FRMPD4: variants seen among roughly 807,000 people sequenced by gnomAD.
The protein encoded by FRMPD4 is FERM and PDZ domain containing 4.
Under a neutral mutation model 94.1 loss-of-function variants are expected in FRMPD4, and 22 were observed. The observed-to-expected ratio is 0.23, with a 90% confidence interval of 0.17 to 0.33. The LOEUF (loss-of-function observed/expected upper bound fraction) is 0.33, where lower values mean the gene tolerates loss of function less well. Among genes scored for constraint, FRMPD4 ranks in the 10% least tolerant of loss-of-function variants. The probability of loss-of-function intolerance (pLI) is 1.00; values close to 1 mark genes in which losing one functional copy is unlikely to be tolerated. For synonymous variants in FRMPD4, 631 were observed against 548.6 expected, an observed-to-expected ratio of 1.15 and a Z score of -2.10; for missense variants, 1,111 against 1,339.9, an observed-to-expected ratio of 0.83 and a Z score of 2.67.
At chrX:12,299,931 C>G (rs1231291666) in intron 1 of FRMPD4, among the ~76,000 whole-genome samples, 2 of 112,118 alleles carry the variant, frequency 1.8e-5, no homozygotes, top group Non-Finnish European at 3.8e-5. Context: ...AGGGGATAAT[C>G]AAGATAGACC....
At chrX:12,263,800 A>T (rs2054231536) in intron 1 of FRMPD4, among the ~76,000 whole-genome samples, 1 of 110,932 alleles carries the variant, frequency 9.0e-6, no homozygotes, top group African/African-American at 3.3e-5. Flanking sequence ...AAAAAAAAAA[A>T]AATTTTTCAC....
At chrX:12,515,388 G>T (rs913601065) in intron 2 of FRMPD4, among the ~76,000 whole-genome samples, 3 of 110,016 alleles carry the variant, frequency 2.7e-5, no homozygotes, top group African/African-American at 1.0e-4. Context: ...CTGGTATGTT[G>T]TCTCTTTTTT....
chrX:12,280,425 C>T (rs184565769), intron 1 of FRMPD4, among the ~76,000 whole-genome samples: 167 of 109,653 alleles, frequency 1.5e-3, no homozygotes, highest in African/African-American at 5.4e-3. Flanking sequence ...GGTTCAGGTT[C>T]CTTGGCCTGG....
At chrX:11,840,606 T>A (rs967545064) in intron 1 of FRMPD4, among the ~76,000 whole-genome samples, 6 of 110,513 alleles carry the variant, frequency 5.4e-5, no homozygotes, top group Admixed American at 2.9e-4. Flanking sequence ...ATGGCAAGGA[T>A]GTTCATCCTT....
intron 3 of FRMPD4, among the ~76,000 whole-genome samples, chrX:11,998,041 G>A (rs180973840): frequency 2.7e-5 from 3 of 111,183 alleles, no homozygotes; most frequent in African/African-American, 9.8e-5. Context: ...TATTCTGATC[G>A]CAATGACCTA....
At chrX:12,130,136 A>AGAGAGAGAGAGAG in intron 3 of FRMPD4, among the ~76,000 whole-genome samples, 3 of 83,851 alleles carry the variant, frequency 3.6e-5, no homozygotes, top group Non-Finnish European at 4.6e-5. Flanking sequence ...GAGAGAGAGA[A>AGAGAGAGAGAGAG]GGTGGAGGCG....
intron 3 of FRMPD4, among the ~76,000 whole-genome samples, chrX:12,071,883 C>CA (rs2054971627): frequency 8.9e-6 from 1 of 111,879 alleles, no homozygotes; most frequent in South Asian, 3.8e-4. Flanking sequence ...AATGCACTTC[C>CA]ATGAACACTT....
chrX:12,082,163 T>C (rs948707920), intron 3 of FRMPD4, among the ~76,000 whole-genome samples: 4 of 112,002 alleles, frequency 3.6e-5, no homozygotes, highest in African/African-American at 1.3e-4. Context: ...GCAAAAGGCT[T>C]ATTGATATGG....
intron 1 of FRMPD4, among the ~76,000 whole-genome samples, chrX:12,477,513 T>C (rs947914248): frequency 1.8e-5 from 2 of 112,600 alleles, no homozygotes; most frequent in Non-Finnish European, 3.8e-5. Flanking sequence ...AGCCTCTCTA[T>C]GCTGGGCATC....
intron 6 of FRMPD4, among the ~76,000 whole-genome samples, chrX:12,685,068 G>C (rs1429705426): frequency 8.9e-6 from 1 of 112,173 alleles, no homozygotes; most frequent in African/African-American, 3.2e-5. Context: ...GAGCAAGACT[G>C]TGCGGGAAGT....
intron 4 of FRMPD4, 149 bp downstream of exon 4, chrX:12,615,030 C>T: frequency 2.9e-6 from 1 of 344,718 alleles, no homozygotes; most frequent in Non-Finnish European, 5.2e-6. Flanking sequence ...ATGCTGCTGA[C>T]ACTGACCTGT....
chrX:11,902,169 C>T (rs767510960), intron 3 of FRMPD4, among the ~76,000 whole-genome samples: 2 of 112,468 alleles, frequency 1.8e-5, no homozygotes, highest in South Asian at 7.3e-4. Flanking sequence ...TTGCTTTTTT[C>T]ATCAAATTGT....
chrX:12,561,240 C>G (rs1458080225), intron 2 of FRMPD4, among the ~76,000 whole-genome samples: 1 of 112,198 alleles, frequency 8.9e-6, no homozygotes, highest in Non-Finnish European at 1.9e-5. Context: ...TGATAAAATT[C>G]AATATATTCC....
chrX:12,066,322 T>C (rs2054919945), intron 3 of FRMPD4, among the ~76,000 whole-genome samples: 1 of 111,978 alleles, frequency 8.9e-6, no homozygotes, highest in African/African-American at 3.2e-5. Flanking sequence ...TTTGAAGGGG[T>C]GTTACCTAGG....
chrX:12,431,600 G>A (rs1295313206), intron 1 of FRMPD4, among the ~76,000 whole-genome samples: 1 of 111,708 alleles, frequency 9.0e-6, no homozygotes, highest in African/African-American at 3.3e-5. Context: ...ATGAGATTTG[G>A]GGGTTCTCTC....
At chrX:11,924,688 C>G (rs1369906543) in intron 3 of FRMPD4, among the ~76,000 whole-genome samples, 5 of 111,811 alleles carry the variant, frequency 4.5e-5, no homozygotes, top group Non-Finnish European at 9.4e-5. Context: ...GAATAAGATC[C>G]TTTTCAGACA....
At chrX:11,853,709 TG>T (rs1246858207) in intron 1 of FRMPD4, among the ~76,000 whole-genome samples, 4 of 111,297 alleles carry the variant, frequency 3.6e-5, no homozygotes, top group African/African-American at 1.3e-4. Flanking sequence ...AGACCAAAAA[TG>T]AGTTCTGAAA....
At chrX:12,417,444 T>C (rs1443047938) in intron 1 of FRMPD4, among the ~76,000 whole-genome samples, 1 of 107,934 alleles carries the variant, frequency 9.3e-6, no homozygotes, top group Non-Finnish European at 1.9e-5. Flanking sequence ...CCGGGTATGG[T>C]GGCAGGCACC....
intron 2 of FRMPD4, among the ~76,000 whole-genome samples, chrX:12,555,597 A>T (rs1422694016): frequency 8.9e-6 from 1 of 111,861 alleles, no homozygotes; most frequent in Non-Finnish European, 1.9e-5. Context: ...AACAAGAGAG[A>T]TGGAGGAAAA....
Sources: allele counts gnomAD v4.1 joint callset (sites outside exome capture counted in the v4.1 genomes callset), GRCh38; gene constraint gnomAD v4.1.1; transcripts MANE v1.5; gene names NCBI Gene and HGNC (gene_info 2026-07-23, HGNC 2026-07-21).